The following TRIM9 variants were observed in gnomAD, a reference collection of about 807,000 sequenced individuals.
TRIM9 encodes the protein tripartite motif containing 9, also known as E3 ubiquitin-protein ligase TRIM9.
Under a neutral mutation model 78.3 loss-of-function variants are expected in TRIM9, and 26 were observed. The observed-to-expected ratio is 0.33, with a 90% CI of 0.24 to 0.46. The LOEUF is 0.46. Among genes scored for constraint, TRIM9 ranks in the 20% least tolerant of loss-of-function variants. The pLI, the probability that TRIM9 is intolerant of heterozygous loss-of-function variation, is 1.00. For missense variants in TRIM9, 787 were observed against 1,036.4 expected (o/e 0.76, Z 3.30); for synonymous variants, 398 against 416.5 (o/e 0.96, Z 0.54).
Position 51,068,494 on chromosome 14 carries a change from G to A in TRIM9, c.822+25624C>T, listed in dbSNP as rs534354679. 9.7e-4 allele frequency among the ~76,000 whole-genome samples: 147 copies of A among 152,264 alleles called. 1 individual carries two copies. The South Asian group carries it at 0.028, about 29-fold the overall frequency. On this transcript the variant is annotated intron_variant, in intron 1 of 12. Transcript: ENST00000684578. ...TAAGAGCTGCCTGTGTGCCTGCAAC[G>A]TGCCAAGTACTTTATGTGGAAAACA...
At chr14:51,079,935 G>C (rs1184460485) in intron 1 of TRIM9, among the ~76,000 whole-genome samples, 1 of 152,168 alleles carries the variant, frequency 6.6e-6, no homozygotes, top group African/African-American at 2.4e-5. Context: ...GGAGAATGAA[G>C]GAGTAGAGAG....
At chr14:51,001,332 C>A (rs2054987918) in intron 5 of TRIM9, among the ~76,000 whole-genome samples, 1 of 151,578 alleles carries the variant, frequency 6.6e-6, no homozygotes, top group East Asian at 1.9e-4. Flanking sequence ...CGGGTTCACA[C>A]CATTCTCCTG....
At chr14:50,988,077 C>T (rs973384125) in intron 7 of TRIM9, among the ~76,000 whole-genome samples, 11 of 152,212 alleles carry the variant, frequency 7.2e-5, no homozygotes, top group African/African-American at 1.2e-4. Flanking sequence ...GCTGAGATTA[C>T]AGGCGTGAGC....
chr14:50,981,138 G>T (rs2051832844), intron 11 of TRIM9, among the ~76,000 whole-genome samples: 1 of 152,170 alleles, frequency 6.6e-6, no homozygotes, highest in African/African-American at 2.4e-5. Context: ...ATCCATTATA[G>T]TATGTGTTCA....
intron 1 of TRIM9, among the ~76,000 whole-genome samples, chr14:51,028,119 T>C (rs1596213927): frequency 6.6e-6 from 1 of 152,198 alleles, no homozygotes; most frequent in Non-Finnish European, 1.5e-5. Flanking sequence ...TTTGGCCCCA[T>C]CTAGTCCCAG....
At chr14:51,074,177 A>C (rs1596313823) in intron 1 of TRIM9, among the ~76,000 whole-genome samples, 1 of 152,078 alleles carries the variant, frequency 6.6e-6, no homozygotes. Context: ...CCAGCACTTT[A>C]GGAGGCTGAG....
At chr14:50,983,307 G>T (rs187646296) in intron 9 of TRIM9, 73 bp downstream of exon 9, 380 of 1,254,740 alleles carry the variant, frequency 3.0e-4, no homozygotes, top group Admixed American at 2.1e-3. Flanking sequence ...ACAAGTTGCC[G>T]CCATTTATTT....
rs765933911 is a variant in TRIM9, at chr14:51,094,393, C to T, written c.547G>A (p.Glu183Lys). The T allele has an allele frequency of 6.2e-7, 1 of 1,613,898 alleles. No individual in the cohort carries two copies. The highest frequency in any genetic ancestry group is 8.5e-7 in the Non-Finnish European group (1 of 1,179,998). ...TCGCAGTAGAAGACATCGCACTGTTCGCACATGACGGTGGCTTCCTTGGGC... is the reference window on the plus strand; with the variant it reads ...TCGCAGTAGAAGACATCGCACTGTTTGCACATGACGGTGGCTTCCTTGGGC... ...KAPKEATVMC[E>K]QCDVFYCDPC... is the part of the protein sequence containing the mutation. Residue 183 changes from glutamate to lysine, a missense_variant, in exon 1 of 13, where the codon GAA becomes AAA. Transcript: ENST00000684578.
intron 5 of TRIM9, among the ~76,000 whole-genome samples, chr14:51,006,400 G>A (rs11626550): frequency 0.16 from 24,947 of 152,176 alleles, 2,751 homozygotes; most frequent in Non-Finnish European, 0.25. Context: ...GCCACAACAG[G>A]AAGAGTTGTG....
At chr14:50,996,753 A>G (rs937371928) in intron 7 of TRIM9, 1 of 985,418 alleles carries the variant, frequency 1.0e-6, no homozygotes. Flanking sequence ...TGCTAAAATG[A>G]TAATTCTGGG....
intron 1 of TRIM9, among the ~76,000 whole-genome samples, chr14:51,087,750 C>G (rs886352647): frequency 3.9e-5 from 6 of 152,160 alleles, no homozygotes; most frequent in African/African-American, 1.4e-4. Flanking sequence ...ATGTTGTCCC[C>G]AGAGCAATAT....
chr14:50,978,982 A>T (rs2051435122), intron 12 of TRIM9: 1 of 1,143,490 alleles, frequency 8.7e-7, no homozygotes, highest in Admixed American at 4.3e-5. Context: ...AGATTTTCTG[A>T]TAATGATACT....
At chr14:50,995,900 CA>C (rs772500701) in intron 7 of TRIM9, among the ~76,000 whole-genome samples, 1 of 151,870 alleles carries the variant, frequency 6.6e-6, no homozygotes. Context: ...AAAAAACAAA[CA>C]AAAAAGAGAT....
chr14:51,082,457 A>T (rs2063391292), intron 1 of TRIM9, among the ~76,000 whole-genome samples: 1 of 152,248 alleles, frequency 6.6e-6, no homozygotes, highest in African/African-American at 2.4e-5. Context: ...GTACTGAGGC[A>T]TGCTACAAGG....
chr14:51,024,645 G>A (rs1317558640), intron 2 of TRIM9, among the ~76,000 whole-genome samples: 2 of 152,204 alleles, frequency 1.3e-5, no homozygotes, highest in African/African-American at 4.8e-5. Context: ...TGAATTGCTG[G>A]TCATTGTGTC....
chr14:51,009,139 C>T lies in TRIM9; in HGVS notation c.1247G>A (p.Ser416Asn), dbSNP rs1423931673. ...TTGCAGCAGAGGGCTGTTGTCCAGACTCAAGTCAAAGTCCGTGGTCATCCT... is the reference window on the plus strand; with the variant it reads ...TTGCAGCAGAGGGCTGTTGTCCAGATTCAAGTCAAAGTCCGTGGTCATCCT... ...TPRMTTDFDLSLDNSPLLQSI... is the reference protein window; with the variant it reads ...TPRMTTDFDLNLDNSPLLQSI... Residue 416 changes from serine (S) to asparagine (N), a missense_variant, in exon 5 of 13, where the codon AGT (serine) becomes AAT (asparagine). Ser to Asn is a conservative substitution (Grantham distance 46). Coordinates refer to ENST00000684578, the MANE Select transcript of TRIM9 (RefSeq NM_001387360.1). 7.4e-6 allele frequency: 12 copies of T among 1,614,112 alleles called. No individual in the cohort carries two copies. The East Asian group carries it at 2.7e-4, about 36-fold the overall frequency.
At chr14:51,080,856 C>G (rs2063241217) in intron 1 of TRIM9, among the ~76,000 whole-genome samples, 2 of 152,172 alleles carry the variant, frequency 1.3e-5, no homozygotes, top group African/African-American at 4.8e-5. Context: ...TCCAGGGACC[C>G]TGATAAAGAA....
At chr14:51,000,913 C>A (rs917024833) in intron 5 of TRIM9, 73 bp from the exon 6 acceptor site, 23 of 1,571,496 alleles carry the variant, frequency 1.5e-5, no homozygotes, top group South Asian at 2.3e-5. Context: ...TGACAAGCAT[C>A]CCCCTGATAA....
intron 1 of TRIM9, among the ~76,000 whole-genome samples, chr14:51,068,721 T>C (rs1181792272): frequency 1.3e-5 from 2 of 152,162 alleles, no homozygotes; most frequent in African/African-American, 4.8e-5. Context: ...TGTAAAGTTA[T>C]GTAGAATTAG....
Sources: gnomAD v4.1 joint callset for allele counts (sites outside exome capture counted in the v4.1 genomes callset) on GRCh38, gnomAD v4.1.1 for gene constraint, MANE v1.5 for transcripts, NCBI Gene and HGNC (gene_info 2026-07-23, HGNC 2026-07-21) for gene names.